The following CADM2 variants were observed in gnomAD, a reference collection of about 807,000 sequenced individuals.
CADM2 encodes the protein immunoglobulin superfamily member 4D.
In CADM2, 12 loss-of-function variants were observed where a neutral mutation model predicts 49.8. The ratio of observed to expected loss-of-function variants is 0.24; its 90% CI spans 0.15 to 0.39. The LOEUF is 0.39. Ranked by LOEUF, CADM2 falls within the 10% of genes least tolerant of loss-of-function variation. CADM2 has a pLI of 1.00. For synonymous variants in CADM2, 214 were observed against 175.4 expected (o/e 1.22, Z -1.74); for missense variants, 378 against 492.3 (o/e 0.77, Z 2.20).
intron 1 of CADM2, among the ~76,000 whole-genome samples, chr3:85,325,739 A>G (rs1438990311): frequency 6.6e-6 from 1 of 151,514 alleles, no homozygotes; most frequent in Non-Finnish European, 1.5e-5. Flanking sequence ...TCTTGAGAAG[A>G]TTATCATTTA....
intron 1 of CADM2, among the ~76,000 whole-genome samples, chr3:85,505,479 T>G (rs2040308298): frequency 6.6e-6 from 1 of 152,192 alleles, no homozygotes; most frequent in Admixed American, 6.5e-5. Context: ...CTGCTGTTCA[T>G]CAGAACCACC....
chr3:85,735,459 C>G (rs1362747528), intron 2 of CADM2, among the ~76,000 whole-genome samples: 4 of 152,106 alleles, frequency 2.6e-5, no homozygotes, highest in Admixed American at 6.6e-5. Flanking sequence ...AATGGAGACA[C>G]AGGTCATGTA....
chr3:85,447,001 T>TATAC (rs2037494942), intron 1 of CADM2, among the ~76,000 whole-genome samples: 1 of 123,816 alleles, frequency 8.1e-6, no homozygotes, highest in South Asian at 2.4e-4. Flanking sequence ...CATATATATA[T>TATAC]ATATATATAT....
intron 1 of CADM2, among the ~76,000 whole-genome samples, chr3:85,480,477 C>A (rs1035392862): frequency 1.2e-4 from 18 of 151,626 alleles, no homozygotes; most frequent in African/African-American, 4.1e-4. Flanking sequence ...GTGACTCAGG[C>A]GTTAGTAAAA....
intron 2 of CADM2, among the ~76,000 whole-genome samples, chr3:85,734,740 A>T (rs904561731): frequency 1.4e-5 from 2 of 148,008 alleles, no homozygotes; most frequent in Admixed American, 6.8e-5. Context: ...TATAATATGT[A>T]TACATACATA....
chr3:85,557,116 G>A (rs1395618301), intron 1 of CADM2, among the ~76,000 whole-genome samples: 1 of 152,000 alleles, frequency 6.6e-6, no homozygotes, highest in African/African-American at 2.4e-5. Flanking sequence ...GGAAAATTAT[G>A]TCACAATCAG....
chr3:85,876,819 A>G (rs1711913951), intron 3 of CADM2, among the ~76,000 whole-genome samples: 1 of 152,138 alleles, frequency 6.6e-6, no homozygotes, highest in Admixed American at 6.6e-5. Context: ...AATTTGGTCT[A>G]AAACTAACTA....
rs540755468 is a variant in CADM2, at chr3:85,058,936, T to C, written c.61+99268T>C. 4.0e-5 allele frequency among the ~76,000 whole-genome samples: 6 copies of C among 151,734 alleles called. No individual in the cohort carries two copies. The East Asian group carries it at 9.7e-4, about 24-fold the overall frequency. ...ATATAGTATTCTATACTATACATTATATATACTAAAAATATATAGTATTCT... is the reference window on the plus strand; with the variant it reads ...ATATAGTATTCTATACTATACATTACATATACTAAAAATATATAGTATTCT... On this transcript the variant is annotated intron_variant, in intron 1 of 9. Transcript: ENST00000383699.
At chr3:85,505,520 T>C (rs2040309814) in intron 1 of CADM2, among the ~76,000 whole-genome samples, 1 of 152,280 alleles carries the variant, frequency 6.6e-6, no homozygotes, top group Admixed American at 6.5e-5. Flanking sequence ...CAGAAGAATG[T>C]TTCTGATTAT....
intron 1 of CADM2, among the ~76,000 whole-genome samples, chr3:85,376,110 A>G (rs978144899): frequency 6.6e-6 from 1 of 152,226 alleles, no homozygotes. Flanking sequence ...AAGAACACCC[A>G]AGTTCCTTGG....
At chr3:85,833,868 A>G (rs1217510436) in intron 3 of CADM2, among the ~76,000 whole-genome samples, 1 of 151,310 alleles carries the variant, frequency 6.6e-6, no homozygotes, top group Non-Finnish European at 1.5e-5. Flanking sequence ...GTTTCATATG[A>G]TATTTAGGTT....
chr3:85,706,240 T>A (rs1321294178), intron 1 of CADM2, among the ~76,000 whole-genome samples: 1 of 152,228 alleles, frequency 6.6e-6, no homozygotes, highest in East Asian at 1.9e-4. Context: ...TAACCCCACT[T>A]CAGTATTATC....
intron 1 of CADM2, among the ~76,000 whole-genome samples, chr3:85,224,173 C>T (rs764584516): frequency 1.3e-5 from 2 of 152,106 alleles, no homozygotes; most frequent in Admixed American, 6.6e-5. Context: ...CTTGAGGAAT[C>T]GCCATGCTGT....
At chr3:85,852,597 A>G (rs2075151227) in intron 3 of CADM2, among the ~76,000 whole-genome samples, 1 of 152,152 alleles carries the variant, frequency 6.6e-6, no homozygotes, top group Non-Finnish European at 1.5e-5. Flanking sequence ...ATGTATCAGT[A>G]TACAAGGATG....
chr3:85,804,086 A>G (rs1450539890), intron 3 of CADM2, among the ~76,000 whole-genome samples: 1 of 152,126 alleles, frequency 6.6e-6, no homozygotes, highest in Non-Finnish European at 1.5e-5. Context: ...GAGATTAAAC[A>G]ATCTCTTTTT....
intron 1 of CADM2, among the ~76,000 whole-genome samples, chr3:85,534,595 A>G (rs56779213): frequency 0.51 from 77,934 of 152,042 alleles, 23,060 homozygotes; most frequent in East Asian, 0.85. Context: ...GCAGAGTTGA[A>G]TACTTGTAAC....
At chr3:85,291,792 TA>T (rs2043804719) in intron 1 of CADM2, among the ~76,000 whole-genome samples, 1 of 147,334 alleles carries the variant, frequency 6.8e-6, no homozygotes, top group East Asian at 1.9e-4. Context: ...AAGGAAGTGC[TA>T]AATATGGAAA....
At chr3:85,503,986 T>G (rs1458337550) in intron 1 of CADM2, among the ~76,000 whole-genome samples, 1 of 152,234 alleles carries the variant, frequency 6.6e-6, no homozygotes, top group Non-Finnish European at 1.5e-5. Flanking sequence ...ACAGTTCAGA[T>G]GTTTATGACA....
intron 1 of CADM2, among the ~76,000 whole-genome samples, chr3:85,225,823 T>G (rs2107801324): frequency 6.6e-6 from 1 of 152,290 alleles, no homozygotes; most frequent in East Asian, 1.9e-4. Flanking sequence ...GCTGATAAAT[T>G]TTGTTGAAGG....
Sources: allele counts gnomAD v4.1 joint callset (sites outside exome capture counted in the v4.1 genomes callset), GRCh38; gene constraint gnomAD v4.1.1; transcripts MANE v1.5; gene names NCBI Gene and HGNC (gene_info 2026-07-23, HGNC 2026-07-21).